The following PPFIBP1 variants were observed in gnomAD, a reference collection of about 807,000 sequenced individuals.
PPFIBP1 encodes liprin-beta-1.
PPFIBP1 carries 112 observed loss-of-function variants against 137.8 expected under a neutral mutation model. That is an observed-to-expected ratio of 0.81 (90% CI 0.70 to 0.95). The LOEUF is 0.95. PPFIBP1 is among the 40% of genes least tolerant of loss of function. The pLI, the probability that PPFIBP1 is intolerant of heterozygous loss-of-function variation, is 0.00. For synonymous variants in PPFIBP1, 378 were observed against 417.3 expected, an observed-to-expected ratio of 0.91 and a Z score of 1.15; for missense variants, 1,083 against 1,196.6, an observed-to-expected ratio of 0.91 and a Z score of 1.40.
intron 24 of PPFIBP1, among the ~76,000 whole-genome samples, chr12:27,686,236 A>C (rs1157494638): frequency 6.6e-6 from 1 of 152,202 alleles, no homozygotes; most frequent in African/African-American, 2.4e-5. Context: ...TTTATTAAAT[A>C]TTTCTGTAGT....
At chr12:27,556,362 CGTTT>C (rs1384197468) in intron 1 of PPFIBP1, among the ~76,000 whole-genome samples, 2 of 152,178 alleles carry the variant, frequency 1.3e-5, no homozygotes, top group Non-Finnish European at 1.5e-5. Flanking sequence ...CCAGTGATAA[CGTTT>C]GTTATCATAG....
At chr12:27,633,725 A>G (rs572171647) in intron 3 of PPFIBP1, among the ~76,000 whole-genome samples, 19 of 151,756 alleles carry the variant, frequency 1.3e-4, no homozygotes, top group African/African-American at 4.6e-4. Flanking sequence ...ATTCTGGTGT[A>G]GGTGGTCTGT....
chr12:27,580,064 C>G (rs2050944129), intron 2 of PPFIBP1, among the ~76,000 whole-genome samples: 1 of 152,054 alleles, frequency 6.6e-6, no homozygotes, highest in Admixed American at 6.5e-5. Context: ...GGATATCTTA[C>G]CAATCAGATC....
At chr12:27,598,459 C>T (rs1192448757) in intron 2 of PPFIBP1, among the ~76,000 whole-genome samples, 1 of 152,130 alleles carries the variant, frequency 6.6e-6, no homozygotes, top group Non-Finnish European at 1.5e-5. Context: ...CCTCCCACAA[C>T]ACCAGAGAAT....
At chr12:27,640,840 T>C (rs1012667656) in intron 4 of PPFIBP1, among the ~76,000 whole-genome samples, 2 of 152,088 alleles carry the variant, frequency 1.3e-5, no homozygotes, top group African/African-American at 4.8e-5. Flanking sequence ...TAGTTCAGAG[T>C]CTAGTGGAGA....
chr12:27,624,615 C>T (rs2056647208), intron 2 of PPFIBP1, among the ~76,000 whole-genome samples: 1 of 152,222 alleles, frequency 6.6e-6, no homozygotes, highest in South Asian at 2.1e-4. Flanking sequence ...AGCTTTGCCT[C>T]TTTGTATTTT....
intron 1 of PPFIBP1, among the ~76,000 whole-genome samples, chr12:27,557,107 G>C (rs2048758471): frequency 6.6e-6 from 1 of 152,168 alleles, no homozygotes; most frequent in Non-Finnish European, 1.5e-5. Context: ...GGAAAAAGAA[G>C]GGGGTGTCAG....
intron 1 of PPFIBP1, among the ~76,000 whole-genome samples, chr12:27,566,268 C>T (rs1430147729): frequency 3.9e-5 from 6 of 152,012 alleles, no homozygotes; most frequent in Admixed American, 3.3e-4. Flanking sequence ...TTGCCACATG[C>T]TAGGTTTGGC....
chr12:27,574,564 C>T (rs925605798), intron 1 of PPFIBP1, among the ~76,000 whole-genome samples: 3 of 152,098 alleles, frequency 2.0e-5, no homozygotes, highest in Non-Finnish European at 1.5e-5. Flanking sequence ...TCTTAAAAGT[C>T]CATGGAAGTC....
At chr12:27,590,273 C>T (rs1336938909) in intron 2 of PPFIBP1, among the ~76,000 whole-genome samples, 2 of 151,952 alleles carry the variant, frequency 1.3e-5, no homozygotes, top group African/African-American at 4.8e-5. Context: ...CCTCCTGGGT[C>T]CAAATGATCC....
At chr12:27,683,868 A>T (rs1593367160) in intron 24 of PPFIBP1, among the ~76,000 whole-genome samples, 1 of 151,416 alleles carries the variant, frequency 6.6e-6, no homozygotes, top group South Asian at 2.1e-4. Context: ...GCTCACTGCA[A>T]CCTCCCTCTC....
At chr12:27,608,344 T>C (rs191733385) in intron 2 of PPFIBP1, among the ~76,000 whole-genome samples, 3 of 152,250 alleles carry the variant, frequency 2.0e-5, no homozygotes, top group East Asian at 3.9e-4. Context: ...AACATGAAAA[T>C]AGAAATAATC....
At chr12:27,687,939 C>T (rs1452782609) in intron 25 of PPFIBP1, among the ~76,000 whole-genome samples, 2 of 152,050 alleles carry the variant, frequency 1.3e-5, no homozygotes, top group African/African-American at 2.4e-5. Flanking sequence ...AATAAATTAG[C>T]CAGGCATGGT....
intron 2 of PPFIBP1, among the ~76,000 whole-genome samples, chr12:27,591,756 A>G (rs1191543276): frequency 2.0e-5 from 3 of 152,212 alleles, no homozygotes; most frequent in Non-Finnish European, 4.4e-5. Context: ...AGAAGTGTTC[A>G]CAGTCGTCAC....
chr12:27,604,055 T>C (rs527379189), intron 2 of PPFIBP1, among the ~76,000 whole-genome samples: 2 of 152,298 alleles, frequency 1.3e-5, no homozygotes, highest in South Asian at 4.1e-4. Flanking sequence ...GTGAAGACCT[T>C]TGTTCTAGTT....
chr12:27,661,948 C>G (rs572384860), intron 11 of PPFIBP1, among the ~76,000 whole-genome samples: 1 of 152,090 alleles, frequency 6.6e-6, no homozygotes, highest in African/African-American at 2.4e-5. Flanking sequence ...AAGCTGCCCA[C>G]TGTAACTTTT....
chr12:27,659,720 C>T (rs1437254438), intron 10 of PPFIBP1, among the ~76,000 whole-genome samples: 1 of 151,896 alleles, frequency 6.6e-6, no homozygotes, highest in Non-Finnish European at 1.5e-5. Context: ...ATTCTCAATT[C>T]CTATAGAATA....
At chr12:27,592,519 A>T in intron 2 of PPFIBP1, 1 of 1,217,472 alleles carries the variant, frequency 8.2e-7, no homozygotes, top group East Asian at 2.4e-5. Context: ...TCTGTGAAAG[A>T]ATCGTTTCCT....
chr12:27,554,884 G>A (rs1450040855), intron 1 of PPFIBP1, among the ~76,000 whole-genome samples: 2 of 151,888 alleles, frequency 1.3e-5, no homozygotes, highest in African/African-American at 4.8e-5. Flanking sequence ...TGTCCCCTTC[G>A]GAGTGGTTTG....
Sources: gnomAD v4.1 joint callset for allele counts (sites outside exome capture counted in the v4.1 genomes callset) on GRCh38, gnomAD v4.1.1 for gene constraint, MANE v1.5 for transcripts, NCBI Gene and HGNC (gene_info 2026-07-23, HGNC 2026-07-21) for gene names.